The following CSMD1 variants were observed in gnomAD, a reference collection of about 807,000 sequenced individuals.
CSMD1 encodes the protein CUB and Sushi multiple domains 1.
Under a neutral mutation model 417.5 loss-of-function variants are expected in CSMD1, and 213 were observed. The ratio of observed to expected loss-of-function variants is 0.51; its 90% CI spans 0.46 to 0.57. CSMD1 has a LOEUF of 0.57. CSMD1 is among the 20% of genes least tolerant of loss of function. The pLI, the probability that CSMD1 is intolerant of heterozygous loss-of-function variation, is 0.00. For synonymous variants in CSMD1, 2,862 were observed against 1,736.8 expected (o/e 1.65, Z -16.11); for missense variants, 6,923 against 4,529.7 (o/e 1.53, Z -15.17).
chr8:4,078,848 C>A (rs1189451360), intron 3 of CSMD1, among the ~76,000 whole-genome samples: 1 of 142,038 alleles, frequency 7.0e-6, no homozygotes, highest in Non-Finnish European at 1.5e-5. Context: ...TTATGTTGGC[C>A]AACGTAGTGA....
At chr8:3,959,904 G>C (rs1396052677) in intron 5 of CSMD1, among the ~76,000 whole-genome samples, 1 of 152,168 alleles carries the variant, frequency 6.6e-6, no homozygotes, top group East Asian at 1.9e-4. Flanking sequence ...TTATTATTTA[G>C]ATGTATGGGT....
intron 1 of CSMD1, among the ~76,000 whole-genome samples, chr8:4,971,785 CTCAT>C (rs1371870806): frequency 2.8e-4 from 42 of 151,594 alleles, no homozygotes; most frequent in Non-Finnish European, 5.4e-4. Context: ...TAATACAATT[CTCAT>C]TATTATAAGT....
At chr8:4,750,393 T>C (rs1811238018) in intron 1 of CSMD1, among the ~76,000 whole-genome samples, 1 of 152,216 alleles carries the variant, frequency 6.6e-6, no homozygotes, top group Non-Finnish European at 1.5e-5. Flanking sequence ...GTTATCAAGA[T>C]TCAATTTCCT....
chr8:4,332,311 G>C (rs1799910974), intron 3 of CSMD1, among the ~76,000 whole-genome samples: 1 of 152,072 alleles, frequency 6.6e-6, no homozygotes, highest in Non-Finnish European at 1.5e-5. Context: ...TGCTCTTTCA[G>C]TCCTTTCTCA....
chr8:3,086,997 AC>A, intron 49 of CSMD1, 99 bp downstream of exon 49: 1 of 1,092,630 alleles, frequency 9.2e-7, no homozygotes. Context: ...ATTTTTCCTT[AC>A]CTTTTATTCT....
At chr8:4,093,825 G>C (rs1009672659) in intron 3 of CSMD1, among the ~76,000 whole-genome samples, 2 of 152,082 alleles carry the variant, frequency 1.3e-5, no homozygotes, top group Non-Finnish European at 2.9e-5. Flanking sequence ...GCTGGGTGTG[G>C]TGGTGCATGC....
chr8:3,476,454 G>C (rs906082686), intron 11 of CSMD1, among the ~76,000 whole-genome samples: 1 of 152,112 alleles, frequency 6.6e-6, no homozygotes, highest in Non-Finnish European at 1.5e-5. Flanking sequence ...AAATACTTAG[G>C]AGGTGGATTT....
chr8:3,206,572 T>A (rs1419976074), intron 30 of CSMD1, among the ~76,000 whole-genome samples: 2 of 144,986 alleles, frequency 1.4e-5, no homozygotes, highest in East Asian at 4.2e-4. Context: ...TGTATGTGTG[T>A]GTGTGTGTAT....
At chr8:4,554,091 G>T (rs1202849283) in intron 2 of CSMD1, among the ~76,000 whole-genome samples, 1 of 152,088 alleles carries the variant, frequency 6.6e-6, no homozygotes, top group Admixed American at 6.5e-5. Context: ...AATATTGTGT[G>T]TAAATTCAAC....
intron 5 of CSMD1, among the ~76,000 whole-genome samples, chr8:3,782,920 T>C (rs1228218058): frequency 2.6e-5 from 4 of 152,150 alleles, no homozygotes; most frequent in African/African-American, 4.8e-5. Context: ...AAAACTGTGG[T>C]TAAAAATACA....
At chr8:4,739,793 T>C (rs1563261522) in intron 1 of CSMD1, among the ~76,000 whole-genome samples, 2 of 152,184 alleles carry the variant, frequency 1.3e-5, no homozygotes, top group Non-Finnish European at 2.9e-5. Flanking sequence ...GTCCTTTTTC[T>C]TACCTGCTGC....
At chr8:4,088,185 A>G (rs1286950125) in intron 3 of CSMD1, among the ~76,000 whole-genome samples, 1 of 152,182 alleles carries the variant, frequency 6.6e-6, no homozygotes, top group Admixed American at 6.5e-5. Flanking sequence ...GTTGTTTTTA[A>G]TGCCCAATCC....
intron 7 of CSMD1, among the ~76,000 whole-genome samples, chr8:3,668,208 T>A (rs574604221): frequency 1.3e-5 from 2 of 152,028 alleles, no homozygotes; most frequent in African/African-American, 4.8e-5. Flanking sequence ...TAAGGGAACA[T>A]AGTAAAACTG....
intron 3 of CSMD1, among the ~76,000 whole-genome samples, chr8:4,307,758 A>C (rs769886366): frequency 2.6e-5 from 4 of 152,208 alleles, no homozygotes; most frequent in Non-Finnish European, 5.9e-5. Flanking sequence ...CAGAGAGTTT[A>C]TCAAGGGTGG....
At chr8:4,932,077 G>T (rs929635803) in intron 1 of CSMD1, among the ~76,000 whole-genome samples, 1 of 150,778 alleles carries the variant, frequency 6.6e-6, no homozygotes, top group Non-Finnish European at 1.5e-5. Context: ...ACAATAGCAT[G>T]AATGCATTTA....
chr8:3,131,164 T>C (rs1317120041), intron 41 of CSMD1, among the ~76,000 whole-genome samples: 2 of 152,154 alleles, frequency 1.3e-5, no homozygotes, highest in African/African-American at 2.4e-5. Flanking sequence ...AAAAGTGCGA[T>C]AAAGCAAAAT....
intron 3 of CSMD1, among the ~76,000 whole-genome samples, chr8:4,188,839 A>T (rs181063862): frequency 3.2e-4 from 48 of 152,208 alleles, no homozygotes; most frequent in African/African-American, 9.9e-4. Context: ...GGATATTAAA[A>T]AAAAAAACGA....
intron 26 of CSMD1, among the ~76,000 whole-genome samples, chr8:3,252,363 T>A: frequency 6.6e-6 from 1 of 152,236 alleles, no homozygotes; most frequent in Non-Finnish European, 1.5e-5. Context: ...CTGGATTACA[T>A]TTATTGATTT....
chr8:3,101,877 C>T (rs1255095197), intron 46 of CSMD1, among the ~76,000 whole-genome samples: 2 of 147,420 alleles, frequency 1.4e-5, no homozygotes, highest in Non-Finnish European at 3.0e-5. Context: ...TCTCAGCTCA[C>T]TGCAACCTCC....
Sources: allele counts gnomAD v4.1 joint callset (sites outside exome capture counted in the v4.1 genomes callset), GRCh38; gene constraint gnomAD v4.1.1; transcripts MANE v1.5; gene names NCBI Gene and HGNC (gene_info 2026-07-23, HGNC 2026-07-21).